The following PLCL2 variants were observed in gnomAD, a reference collection of about 807,000 sequenced individuals.
The protein encoded by PLCL2 is phospholipase C like 2, also known as inactive phospholipase C-like protein 2.
A neutral mutation model predicts 79.6 loss-of-function variants in PLCL2; 4 were observed. The observed-to-expected ratio is 0.05, with a 90% CI of 0.02 to 0.11. The LOEUF (loss-of-function observed/expected upper bound fraction) is 0.11, where lower values mean the gene tolerates loss of function less well. Among genes scored for constraint, PLCL2 ranks in the 10% least tolerant of loss-of-function variants. PLCL2 has a pLI of 1.00. For synonymous variants in PLCL2, 484 were observed against 457.7 expected, an observed-to-expected ratio of 1.06 and a Z score of -0.73; for missense variants, 895 against 1,291.0, an observed-to-expected ratio of 0.69 and a Z score of 4.70.
intron 1 of PLCL2, among the ~76,000 whole-genome samples, chr3:16,941,917 A>G (rs149479568): frequency 1.2e-4 from 19 of 152,110 alleles, no homozygotes; most frequent in African/African-American, 4.3e-4. Flanking sequence ...TACTGAGATT[A>G]TCTGTTCATG....
intron 4 of PLCL2, among the ~76,000 whole-genome samples, chr3:17,064,272 T>A (rs973112808): frequency 6.6e-6 from 1 of 152,176 alleles, no homozygotes; most frequent in Non-Finnish European, 1.5e-5. Flanking sequence ...TTATTTTGTT[T>A]TATATAGACA....
At chr3:16,956,537 A>G (rs1322041212) in intron 1 of PLCL2, among the ~76,000 whole-genome samples, 2 of 151,936 alleles carry the variant, frequency 1.3e-5, no homozygotes, top group Non-Finnish European at 2.9e-5. Flanking sequence ...GATGATGCTG[A>G]CCTCATAAAA....
chr3:16,936,555 G>A (rs1347495737), intron 1 of PLCL2, among the ~76,000 whole-genome samples: 1 of 152,164 alleles, frequency 6.6e-6, no homozygotes, highest in African/African-American at 2.4e-5. Context: ...AAACAAGCAG[G>A]CATCATATGT....
intron 3 of PLCL2, among the ~76,000 whole-genome samples, chr3:17,041,113 T>C (rs893966956): frequency 9.2e-5 from 14 of 152,210 alleles, no homozygotes; most frequent in African/African-American, 3.1e-4. Context: ...AATTATGTAA[T>C]GGTACAAACG....
At chr3:16,902,660 C>T (rs868252000) in intron 1 of PLCL2, among the ~76,000 whole-genome samples, 2 of 151,968 alleles carry the variant, frequency 1.3e-5, no homozygotes. Flanking sequence ...AACCCTGTCT[C>T]TATTAGAAAT....
At chr3:16,982,064 A>C (rs2064004350) in intron 1 of PLCL2, among the ~76,000 whole-genome samples, 1 of 152,318 alleles carries the variant, frequency 6.6e-6, no homozygotes, top group South Asian at 2.1e-4. Context: ...TTTCTATGGA[A>C]GTGGTGCAAA....
intron 1 of PLCL2, among the ~76,000 whole-genome samples, chr3:17,006,095 G>A (rs2064257871): frequency 6.6e-6 from 1 of 152,208 alleles, no homozygotes; most frequent in Admixed American, 6.5e-5. Context: ...AAAGGTATAT[G>A]TATAGCACAT....
At chr3:16,953,474 A>C (rs1329816790) in intron 1 of PLCL2, among the ~76,000 whole-genome samples, 1 of 152,204 alleles carries the variant, frequency 6.6e-6, no homozygotes, top group Non-Finnish European at 1.5e-5. Context: ...CTGTGTAATA[A>C]GCATGTAAAA....
intron 3 of PLCL2, among the ~76,000 whole-genome samples, chr3:17,030,899 C>T (rs2064574053): frequency 6.6e-6 from 1 of 152,040 alleles, no homozygotes; most frequent in Non-Finnish European, 1.5e-5. Context: ...CACCTTCATC[C>T]CCTTGGAGAA....
intron 5 of PLCL2, among the ~76,000 whole-genome samples, chr3:17,079,177 C>G (rs2065137936): frequency 6.6e-6 from 1 of 152,174 alleles, no homozygotes; most frequent in African/African-American, 2.4e-5. Flanking sequence ...CCCAGCCCCA[C>G]TTGCCTCTCA....
chr3:17,005,373 C>T (rs953396875), intron 1 of PLCL2, among the ~76,000 whole-genome samples: 3 of 151,730 alleles, frequency 2.0e-5, no homozygotes, highest in Non-Finnish European at 4.4e-5. Flanking sequence ...TTCCTTATCC[C>T]GTTTCAGGAT....
At chr3:16,947,381 A>G (rs565291871) in intron 1 of PLCL2, among the ~76,000 whole-genome samples, 2 of 152,336 alleles carry the variant, frequency 1.3e-5, no homozygotes, top group African/African-American at 4.8e-5. Flanking sequence ...TGAACTCCTC[A>G]GGAGAAGCGA....
chr3:16,908,384 A>G lies in PLCL2; in HGVS notation c.327+23018A>G, dbSNP rs189449000. ...AGTGTTCCAATTATTTTTAAGAGGC[A>G]TAGCTTTAAAAAAATTAGTTTGTTT... On this transcript the variant is annotated intron_variant, in intron 1 of 5. Transcript: ENST00000615277. Among the ~76,000 whole-genome samples, 348 of 152,346 alleles carry G rather than the reference A, an allele frequency of 2.3e-3. 3 individuals are homozygous for G. The highest frequency in any genetic ancestry group is 4.2e-3 in the Non-Finnish European group (285 of 68,034).
chr3:16,930,687 G>T (rs1294230885), intron 1 of PLCL2, among the ~76,000 whole-genome samples: 8 of 152,112 alleles, frequency 5.3e-5, no homozygotes, highest in African/African-American at 1.9e-4. Flanking sequence ...CCTCAGTTCT[G>T]TGAACCCCAT....
intron 1 of PLCL2, among the ~76,000 whole-genome samples, chr3:16,959,278 C>T (rs1358566482): frequency 6.6e-6 from 1 of 152,168 alleles, no homozygotes; most frequent in East Asian, 1.9e-4. Flanking sequence ...GGTCCACGCT[C>T]CTATCTCTGC....
At chr3:16,985,792 T>C (rs753790982) in intron 1 of PLCL2, among the ~76,000 whole-genome samples, 5 of 152,138 alleles carry the variant, frequency 3.3e-5, no homozygotes, top group Non-Finnish European at 5.9e-5. Flanking sequence ...CACATGGGAA[T>C]TAAGCATGGG....
intron 1 of PLCL2, among the ~76,000 whole-genome samples, chr3:16,891,593 AG>A (rs1696351753): frequency 2.0e-5 from 3 of 152,232 alleles, no homozygotes; most frequent in Admixed American, 6.5e-5. Context: ...ATGGGATCAA[AG>A]GGTATTGAAC....
At chr3:16,936,964 C>T (rs939963001) in intron 1 of PLCL2, among the ~76,000 whole-genome samples, 15 of 152,034 alleles carry the variant, frequency 9.9e-5, no homozygotes, top group African/African-American at 3.6e-4. Flanking sequence ...TAATTTTTGG[C>T]GGGGTGAGCG....
intron 1 of PLCL2, among the ~76,000 whole-genome samples, chr3:16,914,322 C>T (rs916808455): frequency 6.6e-6 from 1 of 152,078 alleles, no homozygotes; most frequent in African/African-American, 2.4e-5. Context: ...GCAACATATT[C>T]AATTTAATTG....
Sources: gnomAD v4.1 joint callset for allele counts (sites outside exome capture counted in the v4.1 genomes callset) on GRCh38, gnomAD v4.1.1 for gene constraint, MANE v1.5 for transcripts, NCBI Gene and HGNC (gene_info 2026-07-23, HGNC 2026-07-21) for gene names.